Variants in NRXN1 observed in about 807,000 individuals in gnomAD.
NRXN1 encodes the protein neurexin 1, also known as neurexin-1.
Under a neutral mutation model 150.9 loss-of-function variants are expected in NRXN1, and 39 were observed. The ratio of observed to expected loss-of-function variants is 0.26; its 90% CI spans 0.20 to 0.34. The LOEUF (loss-of-function observed/expected upper bound fraction) is 0.34, where lower values mean the gene tolerates loss of function less well. NRXN1 is among the 10% of genes least tolerant of loss of function. The probability of loss-of-function intolerance (pLI) is 1.00; values close to 1 mark genes in which losing one functional copy is unlikely to be tolerated. For synonymous variants in NRXN1, 924 were observed against 757.0 expected (o/e 1.22, Z -3.62); for missense variants, 1,815 against 1,949.9 (o/e 0.93, Z 1.30).
intron 18 of NRXN1, among the ~76,000 whole-genome samples, chr2:50,096,607 T>C (rs1700258688): frequency 6.6e-6 from 1 of 152,198 alleles, no homozygotes; most frequent in Non-Finnish European, 1.5e-5. Context: ...TTCCTTGAAA[T>C]AGATAACTGG....
intron 8 of NRXN1, among the ~76,000 whole-genome samples, chr2:50,582,061 C>G (rs541212670): frequency 2.6e-5 from 4 of 152,174 alleles, no homozygotes; most frequent in South Asian, 4.1e-4. Context: ...AACATACAAG[C>G]CCCCTGTTCG....
At chr2:50,789,007 G>C (rs146096269) in intron 5 of NRXN1, among the ~76,000 whole-genome samples, 1 of 152,110 alleles carries the variant, frequency 6.6e-6, no homozygotes, top group Non-Finnish European at 1.5e-5. Context: ...AATGGATTGG[G>C]GGAGAAAAGG....
At chr2:50,674,234 G>C (rs1220030651) in intron 5 of NRXN1, among the ~76,000 whole-genome samples, 1 of 152,094 alleles carries the variant, frequency 6.6e-6, no homozygotes, top group African/African-American at 2.4e-5. Context: ...TAGAATGAAA[G>C]AAAAGTCATT....
At chr2:50,366,619 T>C (rs2079602134) in intron 17 of NRXN1, among the ~76,000 whole-genome samples, 3 of 151,952 alleles carry the variant, frequency 2.0e-5, no homozygotes, top group African/African-American at 7.2e-5. Context: ...CTTGAAAAAA[T>C]GTAAATTGAA....
intron 18 of NRXN1, among the ~76,000 whole-genome samples, chr2:50,180,453 T>G (rs2060636480): frequency 6.6e-6 from 1 of 152,146 alleles, no homozygotes; most frequent in Non-Finnish European, 1.5e-5. Context: ...AGAATATGTG[T>G]GTTGGATACT....
intron 17 of NRXN1, among the ~76,000 whole-genome samples, chr2:50,361,032 G>A (rs1467975940): frequency 3.9e-5 from 6 of 152,228 alleles, no homozygotes; most frequent in East Asian, 1.9e-4. Flanking sequence ...ATAACGAAAC[G>A]AAGGCAGAAA....
intron 5 of NRXN1, among the ~76,000 whole-genome samples, chr2:50,626,499 C>T (rs191933210): frequency 6.6e-6 from 1 of 152,018 alleles, no homozygotes; most frequent in East Asian, 1.9e-4. Flanking sequence ...TTTACACTGT[C>T]AAGCATTTCA....
intron 17 of NRXN1, among the ~76,000 whole-genome samples, chr2:50,395,279 G>A (rs1451572249): frequency 6.6e-6 from 1 of 151,568 alleles, no homozygotes; most frequent in Non-Finnish European, 1.5e-5. Context: ...TGAAATACCA[G>A]AAAATGATCA....
chr2:50,892,915 G>C (rs1264340408), intron 5 of NRXN1, among the ~76,000 whole-genome samples: 1 of 152,118 alleles, frequency 6.6e-6, no homozygotes, highest in East Asian at 1.9e-4. Flanking sequence ...GATCTGCTGA[G>C]GCCATGCTCT....
intron 18 of NRXN1, among the ~76,000 whole-genome samples, chr2:50,206,660 T>TG (rs552953216): frequency 6.6e-6 from 1 of 152,188 alleles, no homozygotes; most frequent in South Asian, 2.1e-4. Context: ...GTTGACAATC[T>TG]GAAACAATGT....
At chr2:50,448,022 T>C (rs1322658577) in intron 17 of NRXN1, among the ~76,000 whole-genome samples, 1 of 151,878 alleles carries the variant, frequency 6.6e-6, no homozygotes, top group Admixed American at 6.6e-5. Context: ...CTAGGAAATG[T>C]ACTGCACTTT....
chr2:50,528,036 A>G (rs1169088324), intron 12 of NRXN1, among the ~76,000 whole-genome samples: 1 of 152,186 alleles, frequency 6.6e-6, no homozygotes, highest in East Asian at 1.9e-4. Flanking sequence ...CAGTCCATGC[A>G]TCTTTTCAGA....
intron 5 of NRXN1, among the ~76,000 whole-genome samples, chr2:50,839,799 C>T (rs920329277): frequency 1.3e-5 from 2 of 151,894 alleles, no homozygotes; most frequent in South Asian, 2.1e-4. Flanking sequence ...TTAAATTAGA[C>T]GGTATATTGG....
chr2:50,780,867 T>C (rs925913984), intron 5 of NRXN1, among the ~76,000 whole-genome samples: 4 of 152,204 alleles, frequency 2.6e-5, no homozygotes, highest in Non-Finnish European at 5.9e-5. Context: ...TCTGGGTATC[T>C]TTCTCTTAAT....
chr2:50,935,349 G>T (rs1012059743), intron 2 of NRXN1, among the ~76,000 whole-genome samples: 1 of 152,088 alleles, frequency 6.6e-6, no homozygotes, highest in African/African-American at 2.4e-5. Flanking sequence ...GTTAATTCTA[G>T]AAAAGTCCAA....
At chr2:50,866,405 T>C (rs969142940) in intron 5 of NRXN1, among the ~76,000 whole-genome samples, 1 of 151,968 alleles carries the variant, frequency 6.6e-6, no homozygotes, top group Non-Finnish European at 1.5e-5. Context: ...TATTATCCAA[T>C]GCTGAAATCA....
chr2:50,795,290 G>A (rs144334169), intron 5 of NRXN1, among the ~76,000 whole-genome samples: 2 of 152,156 alleles, frequency 1.3e-5, no homozygotes, highest in African/African-American at 4.8e-5. Flanking sequence ...TTGACCCATA[G>A]GTCTGGAAAC....
intron 17 of NRXN1, among the ~76,000 whole-genome samples, chr2:50,240,015 G>A (rs1447645194): frequency 6.6e-6 from 1 of 151,064 alleles, no homozygotes; most frequent in African/African-American, 2.4e-5. Context: ...TAGAACTTGT[G>A]GGTAATAATT....
Position 49,962,852 on chromosome 2 carries a change from G to A in NRXN1, c.4129-19061C>T, listed in dbSNP as rs558514080. 5.3e-5 allele frequency among the ~76,000 whole-genome samples: 8 copies of A among 152,112 alleles called. No individual in the cohort carries two copies. The South Asian group carries it at 6.2e-4, about 12-fold the overall frequency. ...CCTGTAGTCCCAGCTACTCAGGAGC[G>A]TCAGGCAGGAGGAGCCCTTGAGCCC... On this transcript the variant is annotated intron_variant, in intron 21 of 22. Coordinates refer to ENST00000401669, the MANE Select transcript of NRXN1 (RefSeq NM_001330078.2).
Sources: allele counts gnomAD v4.1 joint callset (sites outside exome capture counted in the v4.1 genomes callset), GRCh38; gene constraint gnomAD v4.1.1; transcripts MANE v1.5; gene names NCBI Gene and HGNC (gene_info 2026-07-23, HGNC 2026-07-21).